The following EFL1 variants were observed in gnomAD, a reference collection of about 807,000 sequenced individuals.
The protein encoded by EFL1 is elongation factor-like GTPase 1.
A neutral mutation model predicts 126.7 loss-of-function variants in EFL1; 76 were observed. The observed-to-expected ratio is 0.60, with a 90% confidence interval of 0.50 to 0.73. EFL1 has a LOEUF of 0.73. Ranked by LOEUF, EFL1 falls within the 30% of genes least tolerant of loss-of-function variation. The probability of loss-of-function intolerance (pLI) is 0.00; values close to 1 mark genes in which losing one functional copy is unlikely to be tolerated. For missense variants in EFL1, 1,128 were observed against 1,343.2 expected (o/e 0.84, Z 2.50); for synonymous variants, 410 against 448.4 (o/e 0.91, Z 1.08).
At chr15:82,208,796 A>C (rs1313906341) in intron 15 of EFL1, among the ~76,000 whole-genome samples, 1 of 152,174 alleles carries the variant, frequency 6.6e-6, no homozygotes, top group Non-Finnish European at 1.5e-5. Context: ...TTATTAAAAA[A>C]AAAATACTTT....
At chr15:82,144,959 C>G (rs2073827236) in intron 18 of EFL1, among the ~76,000 whole-genome samples, 1 of 150,746 alleles carries the variant, frequency 6.6e-6, no homozygotes, top group African/African-American at 2.4e-5. Context: ...TGCCACTGTA[C>G]TCCAGCTGGG....
At chr15:82,261,094 T>C (rs117811038) in intron 2 of EFL1, among the ~76,000 whole-genome samples, 2,752 of 152,300 alleles carry the variant, frequency 0.018, 29 homozygotes, top group Non-Finnish European at 0.026. Flanking sequence ...AATGATTATC[T>C]CCATTTGTCA....
At chr15:82,206,102 T>C (rs1284872113) in intron 15 of EFL1, among the ~76,000 whole-genome samples, 1 of 152,202 alleles carries the variant, frequency 6.6e-6, no homozygotes, top group Non-Finnish European at 1.5e-5. Flanking sequence ...AGCATTGAAT[T>C]AGAGTACACA....
chr15:82,150,771 G>T (rs1037507365), intron 18 of EFL1, among the ~76,000 whole-genome samples: 5 of 152,140 alleles, frequency 3.3e-5, no homozygotes, highest in Non-Finnish European at 7.4e-5. Context: ...AAGCCCTTTT[G>T]TGTTATGAGT....
chr15:82,146,527 A>G (rs1016701449), intron 18 of EFL1, among the ~76,000 whole-genome samples: 1 of 152,008 alleles, frequency 6.6e-6, no homozygotes, highest in African/African-American at 2.4e-5. Flanking sequence ...TTATCAATAT[A>G]AAAGAGTCCC....
chr15:82,186,455 C>A (rs1044898589), intron 15 of EFL1, among the ~76,000 whole-genome samples: 1 of 152,158 alleles, frequency 6.6e-6, no homozygotes, highest in African/African-American at 2.4e-5. Context: ...GATGCTCTGG[C>A]AGTTAAACAC....
At chr15:82,236,563 G>C (rs1264648975) in intron 7 of EFL1, among the ~76,000 whole-genome samples, 1 of 152,178 alleles carries the variant, frequency 6.6e-6, no homozygotes, top group African/African-American at 2.4e-5. Context: ...CAATTCTATG[G>C]AGAATAGATA....
At chr15:82,203,564 A>G (rs1022778351) in intron 15 of EFL1, among the ~76,000 whole-genome samples, 2 of 151,726 alleles carry the variant, frequency 1.3e-5, no homozygotes, top group Non-Finnish European at 2.9e-5. Flanking sequence ...TAGTAGAGAC[A>G]GGGTTTCATC....
chr15:82,255,657 C>A (rs754759668), intron 3 of EFL1, among the ~76,000 whole-genome samples: 1 of 152,100 alleles, frequency 6.6e-6, no homozygotes, highest in Non-Finnish European at 1.5e-5. Context: ...CTTAACTGTG[C>A]AATTTGTGTG....
chr15:82,247,846 C>A (rs1321390966), intron 4 of EFL1, among the ~76,000 whole-genome samples: 3 of 152,052 alleles, frequency 2.0e-5, no homozygotes, highest in African/African-American at 7.3e-5. Flanking sequence ...ATGTGGCTTG[C>A]ATCGTGGGCA....
chr15:82,180,781 C>T (rs2074244333), intron 15 of EFL1, among the ~76,000 whole-genome samples: 1 of 150,728 alleles, frequency 6.6e-6, no homozygotes, highest in Non-Finnish European at 1.5e-5. Flanking sequence ...GGCTGGAGTA[C>T]AGTGGTTCAA....
chr15:82,238,734 A>G (rs578199797), intron 6 of EFL1, among the ~76,000 whole-genome samples: 3 of 152,146 alleles, frequency 2.0e-5, no homozygotes, highest in African/African-American at 4.8e-5. Flanking sequence ...AGGTTTTTGG[A>G]AGGTTATTTT....
At chr15:82,227,723 T>G in intron 10 of EFL1, 151 bp from the exon 11 acceptor site, 1 of 1,031,974 alleles carries the variant, frequency 9.7e-7, no homozygotes, top group South Asian at 1.7e-5. Flanking sequence ...GCATCACATC[T>G]CAAAACATGC....
intron 4 of EFL1, among the ~76,000 whole-genome samples, chr15:82,245,812 G>T (rs1254906938): frequency 6.6e-6 from 1 of 151,858 alleles, no homozygotes; most frequent in Non-Finnish European, 1.5e-5. Context: ...GCACATGCCT[G>T]CAGTATTAGC....
intron 16 of EFL1, among the ~76,000 whole-genome samples, chr15:82,162,914 C>A (rs1031695169): frequency 6.6e-6 from 1 of 152,212 alleles, no homozygotes; most frequent in Non-Finnish European, 1.5e-5. Flanking sequence ...TTCCCTAAGG[C>A]ATGGTCTGGA....
chr15:82,237,817 T>C (rs1312893351), intron 7 of EFL1, among the ~76,000 whole-genome samples: 1 of 151,222 alleles, frequency 6.6e-6, no homozygotes, highest in Non-Finnish European at 1.5e-5. Flanking sequence ...CATGGAATAC[T>C]ACTGAGCAAC....
chr15:82,251,034 A>C (rs2075016351), intron 4 of EFL1, among the ~76,000 whole-genome samples: 1 of 151,960 alleles, frequency 6.6e-6, no homozygotes, highest in Admixed American at 6.6e-5. Flanking sequence ...CAACATGGTG[A>C]AACCCCGCCT....
intron 15 of EFL1, among the ~76,000 whole-genome samples, chr15:82,197,715 G>A (rs558571812): frequency 3.3e-5 from 5 of 152,194 alleles, no homozygotes; most frequent in African/African-American, 1.2e-4. Context: ...AAGAGGGGTA[G>A]GAGGGGCAAG....
At chr15:82,223,264 GA>G (rs34700666) in intron 12 of EFL1, among the ~76,000 whole-genome samples, 115,565 of 150,168 alleles carry the variant, frequency 0.77, 45,110 homozygotes, top group African/African-American at 0.91. Context: ...AAACTTAAAT[GA>G]AAAAAAAAAA....
Sources: allele counts gnomAD v4.1 joint callset (sites outside exome capture counted in the v4.1 genomes callset), GRCh38; gene constraint gnomAD v4.1.1; transcripts MANE v1.5; gene names NCBI Gene and HGNC (gene_info 2026-07-23, HGNC 2026-07-21).